Variants in KITLG observed in about 807,000 individuals in gnomAD.
KITLG encodes the protein KIT ligand, also known as c-Kit ligand.
KITLG carries 13 observed loss-of-function variants against 34.1 expected under a neutral mutation model. That is an observed-to-expected ratio of 0.38 (90% CI 0.25 to 0.61). The LOEUF is 0.61. Ranked by LOEUF, KITLG falls within the 20% of genes least tolerant of loss-of-function variation. The pLI, the probability that KITLG is intolerant of heterozygous loss-of-function variation, is 0.60. For missense variants in KITLG, 292 were observed against 318.9 expected (o/e 0.92, Z 0.64); for synonymous variants, 110 against 104.0 (o/e 1.06, Z -0.35).
chr12:88,560,363 AC>A (rs1402296760), intron 1 of KITLG, among the ~76,000 whole-genome samples: 1 of 152,242 alleles, frequency 6.6e-6, no homozygotes, highest in African/African-American at 2.4e-5. Flanking sequence ...AAATGACTAT[AC>A]AATCATTCAC....
chr12:88,551,712 T>A (rs1250709616), intron 1 of KITLG, among the ~76,000 whole-genome samples: 1 of 152,200 alleles, frequency 6.6e-6, no homozygotes, highest in Admixed American at 6.5e-5. Context: ...GAACACAACA[T>A]GTGTCCCATA....
intron 1 of KITLG, among the ~76,000 whole-genome samples, chr12:88,550,713 C>T (rs2120926222): frequency 6.6e-6 from 1 of 152,272 alleles, no homozygotes; most frequent in East Asian, 1.9e-4. Flanking sequence ...TCTACACTGT[C>T]CCAGAACTCC....
Position 88,493,219 on chromosome 12 carries a change from A to G in KITLG, c.*4000T>C, listed in dbSNP as rs1268998089. On this transcript the variant is annotated 3_prime_UTR_variant, in exon 10 of 10. Transcript: ENST00000644744. ...GTAGCTCAGAGATCAAGTACTGGAA[A>G]ACGGTGTGGTTTTTAGTTTAACAGT... 1 of 152,328 alleles carries G rather than the reference A, an allele frequency of 6.6e-6. No homozygotes were observed. Among genetic ancestry groups the G allele is most frequent in the East Asian group, 1.9e-4 (1 of 5,192 alleles). 9.4% of individuals were successfully genotyped at this position (152,328 alleles called of 1,614,324 possible). A position where few individuals can be genotyped will look rare whatever the true frequency, so the allele number is the denominator to read the frequency against.
At chr12:88,508,557 G>A (rs1350646663) in intron 6 of KITLG, among the ~76,000 whole-genome samples, 4 of 87,674 alleles carry the variant, frequency 4.6e-5, no homozygotes, top group East Asian at 3.6e-4. Context: ...GTGTGCTCAC[G>A]TGTGTGTGTG....
chr12:88,576,940 C>T (rs1484110919), intron 1 of KITLG, among the ~76,000 whole-genome samples: 5 of 151,976 alleles, frequency 3.3e-5, no homozygotes, highest in Admixed American at 1.3e-4. Flanking sequence ...AGCAGTTAGA[C>T]GTAAATAAAA....
rs1300282316 is a variant in KITLG, at chr12:88,506,501, T to C, written c.715-123A>G. 1.5e-5 allele frequency: 11 copies of C among 747,146 alleles called. No individual in the cohort carries two copies. The South Asian group carries it at 1.6e-4, about 11-fold the overall frequency. 46.3% of individuals were successfully genotyped at this position (747,146 alleles called of 1,614,324 possible). A position where few individuals can be genotyped will look rare whatever the true frequency, so the allele number is the denominator to read the frequency against. On this transcript the variant is annotated intron_variant, in intron 7 of 9. Transcript: ENST00000644744. ...CTCCAATAACAGTTTTTTCAGCATG[T>C]AGCATGCAAAATATCTTTGTAATAA...
At chr12:88,513,597 T>C (rs2120828286) in intron 6 of KITLG, among the ~76,000 whole-genome samples, 1 of 151,822 alleles carries the variant, frequency 6.6e-6, no homozygotes, top group Non-Finnish European at 1.5e-5. Flanking sequence ...ATGAAAACAG[T>C]AAGCATAAGA....
chr12:88,507,189 T>A, intron 6 of KITLG, 52 bp from the exon 7 acceptor site: 1 of 1,149,092 alleles, frequency 8.7e-7, no homozygotes, highest in Non-Finnish European at 1.3e-6. Flanking sequence ...TCTAGAAGTT[T>A]TGCTCTTATG....
At chr12:88,526,572 CT>C (rs1323471238) in intron 3 of KITLG, among the ~76,000 whole-genome samples, 2 of 152,168 alleles carry the variant, frequency 1.3e-5, no homozygotes, top group African/African-American at 4.8e-5. Context: ...TAGTTCCTAC[CT>C]TTGTGAAGTT....
At chr12:88,576,707 C>G (rs1044082557) in intron 1 of KITLG, among the ~76,000 whole-genome samples, 3 of 152,012 alleles carry the variant, frequency 2.0e-5, no homozygotes, top group South Asian at 2.1e-4. Flanking sequence ...ATCCTTCTAC[C>G]AACCATATTT....
intron 3 of KITLG, among the ~76,000 whole-genome samples, chr12:88,526,837 G>A (rs1196509421): frequency 1.3e-5 from 2 of 149,678 alleles, no homozygotes; most frequent in African/African-American, 4.9e-5. Context: ...GAAAAAGGAT[G>A]TGGAAAGGTG....
At chr12:88,562,121 G>A (rs1871316905) in intron 1 of KITLG, among the ~76,000 whole-genome samples, 1 of 152,164 alleles carries the variant, frequency 6.6e-6, no homozygotes, top group South Asian at 2.1e-4. Context: ...CTTACCTCTA[G>A]CACCTTGATT....
intron 4 of KITLG, 140 bp from the exon 5 acceptor site, chr12:88,516,630 G>C (rs755370939): frequency 2.8e-5 from 16 of 581,182 alleles, no homozygotes; most frequent in Non-Finnish European, 4.5e-5. Flanking sequence ...CTGTTTTAAC[G>C]TATGTAATTC....
At chr12:88,550,913 C>T (rs1490840653) in intron 1 of KITLG, among the ~76,000 whole-genome samples, 2 of 152,066 alleles carry the variant, frequency 1.3e-5, no homozygotes, top group Non-Finnish European at 2.9e-5. Context: ...TAAAATATAT[C>T]AACACAGACT....
chr12:88,503,212 TATATC>T (rs1868933550), intron 9 of KITLG, among the ~76,000 whole-genome samples: 1 of 152,196 alleles, frequency 6.6e-6, no homozygotes, highest in South Asian at 2.1e-4. Flanking sequence ...GCAACATAAT[TATATC>T]ATGTTATCTT....
chr12:88,523,093 G>A (rs1869733745), intron 3 of KITLG, among the ~76,000 whole-genome samples: 3 of 152,078 alleles, frequency 2.0e-5, no homozygotes, highest in Admixed American at 2.0e-4. Context: ...TCTTTAATTC[G>A]TGTCAAACTT....
intron 1 of KITLG, among the ~76,000 whole-genome samples, chr12:88,579,872 G>T (rs948000596): frequency 1.4e-4 from 21 of 152,334 alleles, no homozygotes; most frequent in African/African-American, 5.0e-4. Context: ...GGCGCGTGGG[G>T]TGCTGTTTCA....
At chr12:88,576,967 G>A (rs542530940) in intron 1 of KITLG, among the ~76,000 whole-genome samples, 1 of 151,970 alleles carries the variant, frequency 6.6e-6, no homozygotes, top group East Asian at 1.9e-4. Context: ...AATTTTAATT[G>A]GTTTGGCCCA....
chr12:88,518,192 C>T (rs1592843125), intron 4 of KITLG, among the ~76,000 whole-genome samples: 1 of 152,124 alleles, frequency 6.6e-6, no homozygotes, highest in African/African-American at 2.4e-5. Flanking sequence ...TCCAATATCT[C>T]ACTCTTATTT....
Sources: allele counts gnomAD v4.1 joint callset (sites outside exome capture counted in the v4.1 genomes callset), GRCh38; gene constraint gnomAD v4.1.1; transcripts MANE v1.5; gene names NCBI Gene and HGNC (gene_info 2026-07-23, HGNC 2026-07-21).